Variants in TRPM6 observed in about 807,000 individuals in gnomAD.
TRPM6 encodes the protein channel kinase 2.
Under a neutral mutation model 247.6 loss-of-function variants are expected in TRPM6, and 111 were observed. That is an observed-to-expected ratio of 0.45 (90% CI 0.38 to 0.52). TRPM6 has a LOEUF of 0.52. Ranked by LOEUF, TRPM6 falls within the 20% of genes least tolerant of loss-of-function variation. The probability of loss-of-function intolerance (pLI) is 0.00; values close to 1 mark genes in which losing one functional copy is unlikely to be tolerated. For missense variants in TRPM6, 2,126 were observed against 2,421.5 expected (o/e 0.88, Z 2.56); for synonymous variants, 892 against 853.8 (o/e 1.04, Z -0.78).
intron 37 of TRPM6, among the ~76,000 whole-genome samples, chr9:74,729,548 T>C (rs549498184): frequency 2.0e-5 from 3 of 152,178 alleles, no homozygotes; most frequent in South Asian, 4.1e-4. Flanking sequence ...GGATTAACTT[T>C]CCTGGTCACT....
intron 37 of TRPM6, among the ~76,000 whole-genome samples, chr9:74,732,171 A>G (rs577584774): frequency 8.5e-5 from 13 of 152,322 alleles, no homozygotes; most frequent in African/African-American, 3.1e-4. Flanking sequence ...TTCAGCTCTT[A>G]TTTAAGTCAG....
At chr9:74,827,262 A>G (rs1184692854) in intron 7 of TRPM6, 1 of 152,468 alleles carries the variant, frequency 6.6e-6, no homozygotes, top group Non-Finnish European at 1.5e-5. Flanking sequence ...TTGAGGATCC[A>G]CTAAAGTCTT....
At chr9:74,822,940 C>G (rs1829182589) in intron 7 of TRPM6, among the ~76,000 whole-genome samples, 2 of 152,072 alleles carry the variant, frequency 1.3e-5, no homozygotes, top group African/African-American at 4.8e-5. Flanking sequence ...GAAGGATACA[C>G]ATCACACTAT....
chr9:74,823,676 T>C (rs1006723959), intron 7 of TRPM6, among the ~76,000 whole-genome samples: 2 of 152,254 alleles, frequency 1.3e-5, no homozygotes, highest in Admixed American at 6.5e-5. Flanking sequence ...GCGGCAAAAA[T>C]AGTATAAGGC....
intron 1 of TRPM6, among the ~76,000 whole-genome samples, chr9:74,862,313 T>G (rs1195740709): frequency 2.0e-5 from 3 of 152,190 alleles, no homozygotes; most frequent in African/African-American, 7.2e-5. Flanking sequence ...CTTCTGCCAC[T>G]AGAGCAGCAA....
intron 27 of TRPM6, among the ~76,000 whole-genome samples, chr9:74,756,681 CAAAAAA>C (rs1217543421): frequency 1.9e-4 from 10 of 51,774 alleles, no homozygotes; most frequent in African/African-American, 5.8e-4. Flanking sequence ...CCCGTCTCTA[CAAAAAA>C]AAAAAAAAAA....
intron 24 of TRPM6, among the ~76,000 whole-genome samples, chr9:74,773,621 G>A (rs1345047941): frequency 1.3e-5 from 2 of 152,144 alleles, no homozygotes; most frequent in African/African-American, 4.8e-5. Flanking sequence ...ATATAATGAA[G>A]TGATGCTGCT....
rs1828678964 is a variant in TRPM6, at chr9:74,810,167, T to G, written c.1497+648A>C. Among the ~76,000 whole-genome samples the G allele has an allele frequency of 2.0e-5, 3 of 151,996 alleles. No homozygotes were observed. The South Asian group carries it at 6.2e-4, about 32-fold the overall frequency. ...CAAATAAATAAAAAGTACTCCCAAT[T>G]TTCAGGGGATGTGGATAAAAGTCAC... On this transcript the variant is annotated intron_variant, in intron 13 of 38. Coordinates refer to ENST00000360774, the MANE Select transcript of TRPM6 (RefSeq NM_017662.5).
intron 3 of TRPM6, among the ~76,000 whole-genome samples, chr9:74,842,877 G>A (rs1829988334): frequency 6.6e-6 from 1 of 152,222 alleles, no homozygotes; most frequent in Non-Finnish European, 1.5e-5. Flanking sequence ...CAGAATGGTG[G>A]TTGCTGAAGG....
At chr9:74,869,897 G>C (rs1160611926) in intron 1 of TRPM6, among the ~76,000 whole-genome samples, 1 of 152,152 alleles carries the variant, frequency 6.6e-6, no homozygotes, top group Non-Finnish European at 1.5e-5. Context: ...ATATCAGAAA[G>C]AATGACAAAT....
intron 38 of TRPM6, 84 bp downstream of exon 38, chr9:74,728,154 AC>A: frequency 1.9e-6 from 2 of 1,064,436 alleles, no homozygotes; most frequent in Non-Finnish European, 2.9e-6. Context: ...AAATGTGATT[AC>A]GATTTTCTAC....
intron 23 of TRPM6, among the ~76,000 whole-genome samples, chr9:74,778,592 G>C (rs985624608): frequency 6.6e-6 from 1 of 152,174 alleles, no homozygotes; most frequent in African/African-American, 2.4e-5. Flanking sequence ...TGGCTTCAAG[G>C]CTGTTCTCTG....
chr9:74,860,688 T>A (rs1287566349), intron 1 of TRPM6, among the ~76,000 whole-genome samples: 13 of 151,940 alleles, frequency 8.6e-5, no homozygotes, highest in African/African-American at 3.1e-4. Flanking sequence ...AGGAACTAAA[T>A]GAACAGGGAA....
intron 1 of TRPM6, among the ~76,000 whole-genome samples, chr9:74,862,731 C>T (rs538578574): frequency 1.1e-3 from 167 of 152,258 alleles, no homozygotes; most frequent in Non-Finnish European, 2.0e-3. Flanking sequence ...CCTGTAATCC[C>T]GGCACTTTGG....
intron 13 of TRPM6, among the ~76,000 whole-genome samples, chr9:74,808,798 G>A (rs1011148561): frequency 2.0e-5 from 3 of 152,196 alleles, no homozygotes; most frequent in Admixed American, 1.3e-4. Flanking sequence ...AATATAGAAT[G>A]ACAAAGTCAA....
At chr9:74,884,342 A>G (rs1008550890) in intron 1 of TRPM6, among the ~76,000 whole-genome samples, 2 of 151,648 alleles carry the variant, frequency 1.3e-5, no homozygotes, top group African/African-American at 4.8e-5. Context: ...ACAAAAAATG[A>G]GCCGGGCGTG....
chr9:74,748,656 T>C (rs1826130615), intron 30 of TRPM6, among the ~76,000 whole-genome samples: 2 of 152,192 alleles, frequency 1.3e-5, no homozygotes, highest in Admixed American at 1.3e-4. Context: ...AGAATAAGGA[T>C]ATAAAGAAAG....
At chr9:74,871,345 C>CA (rs1403602467) in intron 1 of TRPM6, among the ~76,000 whole-genome samples, 1 of 152,114 alleles carries the variant, frequency 6.6e-6, no homozygotes, top group Admixed American at 6.5e-5. Context: ...TAAAGATAGT[C>CA]AATGTGTTTA....
In TRPM6 at chr9:74,763,114, T is replaced by A; in HGVS notation, c.3557A>T (p.Gln1186Leu). 1 of 1,611,948 alleles carries A rather than the reference T, an allele frequency of 6.2e-7. No homozygotes were observed. The highest frequency in any genetic ancestry group is 8.5e-7 in the Non-Finnish European group (1 of 1,179,994). Residue 1186 changes from glutamine to leucine, a missense_variant, in exon 26 of 39, where the codon CAG becomes CTG. By Grantham distance (113) the Gln-to-Leu change is moderately radical (BLOSUM62 -2). This residue lies in a region of TRPM6 where 717 missense variants were observed against 715.9 expected (regional missense o/e 1.00). Transcript: ENST00000360774. ...TSERVTEMYF[Q>L]LKEMNEKVSF... The stretch of plus-strand genomic sequence containing the variant: ...CACCTTTTCATTCATTTCTTTCAGC[T>A]GGAAGTACATCTCTGTAACCCTAGT...
Sources: allele counts gnomAD v4.1 joint callset (sites outside exome capture counted in the v4.1 genomes callset), GRCh38; gene constraint gnomAD v4.1.1; regional missense constraint gnomAD v4.1.1; transcripts MANE v1.5; gene names NCBI Gene and HGNC (gene_info 2026-07-23, HGNC 2026-07-21).